AGBL4: variants seen among roughly 807,000 people sequenced by gnomAD.
The protein encoded by AGBL4 is AGBL carboxypeptidase 4.
AGBL4 carries 58 observed loss-of-function variants against 66.4 expected under a neutral mutation model. The observed-to-expected ratio is 0.87, with a 90% confidence interval of 0.71 to 1.09. The LOEUF (loss-of-function observed/expected upper bound fraction) is 1.09. Among genes scored for constraint, AGBL4 ranks in the 50% least tolerant of loss-of-function variants. AGBL4 has a pLI of 0.00. For synonymous variants in AGBL4, 234 were observed against 222.9 expected, an observed-to-expected ratio of 1.05 and a Z score of -0.44; for missense variants, 579 against 631.0, an observed-to-expected ratio of 0.92 and a Z score of 0.88.
chr1:49,034,355 A>T (rs1326880891), intron 5 of AGBL4, among the ~76,000 whole-genome samples: 1 of 152,144 alleles, frequency 6.6e-6, no homozygotes, highest in African/African-American at 2.4e-5. Context: ...CATGACTTAT[A>T]TTACTGGGGT....
At chr1:49,562,521 G>A (rs1484862301) in intron 3 of AGBL4, among the ~76,000 whole-genome samples, 2 of 152,040 alleles carry the variant, frequency 1.3e-5, no homozygotes, top group Admixed American at 6.6e-5. Flanking sequence ...TCAGCTTTCT[G>A]CTTATGGCTA....
chr1:49,497,066 T>A (rs1010787306), intron 3 of AGBL4, among the ~76,000 whole-genome samples: 3 of 152,018 alleles, frequency 2.0e-5, no homozygotes, highest in African/African-American at 7.2e-5. Context: ...TAATAGTCAC[T>A]CCAACAGGTG....
At chr1:49,759,011 G>A (rs766992755) in intron 2 of AGBL4, among the ~76,000 whole-genome samples, 2 of 152,118 alleles carry the variant, frequency 1.3e-5, no homozygotes, top group Non-Finnish European at 2.9e-5. Flanking sequence ...TTTTCCCCAA[G>A]CTGATCTTGT....
At position 49,398,298 on chromosome 1, in the gene AGBL4, G is replaced by A. The variant is rs1422648540; in HGVS notation, c.283-152434C>T. Among the ~76,000 whole-genome samples the A allele has an allele frequency of 2.7e-5, 4 of 150,442 alleles. No homozygotes were observed. The East Asian group carries it at 5.9e-4, about 22-fold the overall frequency. ...ACCCAAACAGAACAAAAAGGCAAAG[G>A]AAGAGTCAGTCAGTCTCTCTCTCCC... On this transcript the variant is annotated intron_variant, in intron 3 of 13. Transcript: ENST00000371839.
chr1:49,308,170 G>A (rs1337120865), intron 3 of AGBL4, among the ~76,000 whole-genome samples: 1 of 152,116 alleles, frequency 6.6e-6, no homozygotes, highest in Non-Finnish European at 1.5e-5. Flanking sequence ...TGTATAGCCT[G>A]CATAATTGTG....
chr1:49,220,486 G>T (rs981052540), intron 4 of AGBL4, among the ~76,000 whole-genome samples: 6 of 152,112 alleles, frequency 3.9e-5, no homozygotes, highest in African/African-American at 1.4e-4. Flanking sequence ...GAAAAGATTT[G>T]ATTATAAGAC....
intron 3 of AGBL4, among the ~76,000 whole-genome samples, chr1:49,394,148 G>A (rs913526147): frequency 6.6e-6 from 1 of 151,806 alleles, no homozygotes; most frequent in Non-Finnish European, 1.5e-5. Flanking sequence ...TCTGAGAATT[G>A]CAGCTGAAAT....
At chr1:49,864,092 G>A (rs1485621007) in intron 1 of AGBL4, among the ~76,000 whole-genome samples, 1 of 152,184 alleles carries the variant, frequency 6.6e-6, no homozygotes, top group Non-Finnish European at 1.5e-5. Flanking sequence ...TAAAAAAAAT[G>A]AGATCCTGTC....
intron 9 of AGBL4, among the ~76,000 whole-genome samples, chr1:48,625,579 T>C (rs921261877): frequency 6.6e-6 from 1 of 152,192 alleles, no homozygotes; most frequent in Non-Finnish European, 1.5e-5. Context: ...TGTATATGCA[T>C]AGTATCTAAT....
Position 49,565,156 on chromosome 1 carries a change from TG to T in AGBL4, c.282+132156del, listed in dbSNP as rs1396588837. Among the ~76,000 whole-genome samples, 16 of 152,196 alleles carry T rather than the reference TG, an allele frequency of 1.1e-4. 1 individual carries two copies. The highest frequency in any genetic ancestry group is 1.0e-3 in the Admixed American group (16 of 15,274). On this transcript the variant is annotated intron_variant, in intron 3 of 13. Coordinates refer to ENST00000371839, the MANE Select transcript of AGBL4 (RefSeq NM_032785.4). ...TGCCTTTTTTTGTTTTCCATTTGCT[TG>T]GTAGATCTTCCTCCATCCCTTTATT...
rs551280366 is a variant in AGBL4, at chr1:49,489,056, G to A, written c.282+208257C>T. ...ATCTTTTCGGTATATATCTAGTAGT[G>A]GAATTGCTGGATCATAAGGTAGCTC... On this transcript the variant is annotated intron_variant, in intron 3 of 13. Coordinates refer to ENST00000371839, the MANE Select transcript of AGBL4 (RefSeq NM_032785.4). Among the ~76,000 whole-genome samples the A allele has an allele frequency of 2.6e-5, 4 of 151,900 alleles. No homozygotes were observed. The South Asian group carries it at 8.3e-4, about 32-fold the overall frequency.
intron 3 of AGBL4, among the ~76,000 whole-genome samples, chr1:49,378,731 G>A (rs1644525137): frequency 6.6e-6 from 1 of 152,138 alleles, no homozygotes; most frequent in African/African-American, 2.4e-5. Flanking sequence ...AAAAGCCCCA[G>A]ACTGTGATGT....
At chr1:49,534,380 C>T (rs1651407299) in intron 3 of AGBL4, among the ~76,000 whole-genome samples, 1 of 151,918 alleles carries the variant, frequency 6.6e-6, no homozygotes, top group Admixed American at 6.6e-5. Flanking sequence ...TACCTGTAAC[C>T]CTACCAATAT....
In AGBL4 at chr1:48,534,223, C is replaced by T. The variant is rs1250930230; in HGVS notation, c.1462G>A (p.Gly488Arg). Residue 488 changes from glycine to arginine, a missense_variant, in exon 14 of 14, where the codon GGG (glycine) becomes AGG (arginine). Gly to Arg is a moderately radical substitution (Grantham distance 125, BLOSUM62 -2). Coordinates refer to ENST00000371839, the MANE Select transcript of AGBL4 (RefSeq NM_032785.4). Reference protein sequence around the residue: ...GPASNYPNSKGDKKSSVNHKD... With the variant: ...GPASNYPNSKRDKKSSVNHKD... ...TGGTTCACTGAGCTCTTCTTGTCCC[C>T]TTTGCTGTTGGGGTAGTTGCTGGCT... The T allele has an allele frequency of 1.3e-6, 2 of 1,551,530 alleles. No individual in the cohort carries two copies. The highest frequency in any genetic ancestry group is 3.9e-5 in the Admixed American group (2 of 50,972).
At chr1:49,692,500 C>T (rs977856790) in intron 3 of AGBL4, among the ~76,000 whole-genome samples, 3 of 151,948 alleles carry the variant, frequency 2.0e-5, no homozygotes, top group South Asian at 4.1e-4. Context: ...GGGTGGATCA[C>T]GAGGTCAGGA....
At chr1:49,314,952 G>A (rs1209352107) in intron 3 of AGBL4, among the ~76,000 whole-genome samples, 1 of 152,006 alleles carries the variant, frequency 6.6e-6, no homozygotes, top group Non-Finnish European at 1.5e-5. Flanking sequence ...ATCTCATTGT[G>A]GTTTTGATTG....
intron 3 of AGBL4, chr1:49,691,437 G>T: frequency 6.3e-6 from 1 of 158,524 alleles, no homozygotes; most frequent in Non-Finnish European, 1.4e-5. Flanking sequence ...CTTCTTGTAG[G>T]ATTGTACTTG....
chr1:49,809,011 G>A (rs1645036363), intron 2 of AGBL4, among the ~76,000 whole-genome samples: 1 of 152,178 alleles, frequency 6.6e-6, no homozygotes, highest in Non-Finnish European at 1.5e-5. Flanking sequence ...TCTGAACCTA[G>A]TAGGCGGTTA....
intron 3 of AGBL4, among the ~76,000 whole-genome samples, chr1:49,271,516 GCACACACACACACA>G (rs57311875): frequency 4.2e-5 from 6 of 144,200 alleles, no homozygotes; most frequent in African/African-American, 7.6e-5. Context: ...TTAAAAGATA[GCACACACACACACA>G]CACACACACA....
Sources: allele counts gnomAD v4.1 joint callset (sites outside exome capture counted in the v4.1 genomes callset), GRCh38; gene constraint gnomAD v4.1.1; transcripts MANE v1.5; gene names NCBI Gene and HGNC (gene_info 2026-07-23, HGNC 2026-07-21).